The following PRKG1 variants were observed in gnomAD, a reference collection of about 807,000 sequenced individuals.
PRKG1 encodes the protein protein kinase cGMP-dependent 1.
Under a neutral mutation model 88.1 loss-of-function variants are expected in PRKG1, and 35 were observed. That is an observed-to-expected ratio of 0.40 (90% CI 0.30 to 0.53). The LOEUF is 0.53. Among genes scored for constraint, PRKG1 ranks in the 20% least tolerant of loss-of-function variants. PRKG1 has a pLI of 0.59. For synonymous variants in PRKG1, 303 were observed against 292.5 expected (o/e 1.04, Z -0.37); for missense variants, 540 against 839.8 (o/e 0.64, Z 4.41).
rs116412282 is a variant in PRKG1, at chr10:51,321,023, A to C, written c.479-146700A>C. Among the ~76,000 whole-genome samples, 728 of 152,288 alleles carry C rather than the reference A, an allele frequency of 4.8e-3. 6 individuals carry two copies. The highest frequency in any genetic ancestry group is 0.016 in the African/African-American group (666 of 41,546). The stretch of plus-strand genomic sequence containing the variant: ...GTCAGATACTTCAGAAGAACTATTT[A>C]TCTGCAAGGAGATATCCTTGTACCA... On this transcript the variant is annotated intron_variant, in intron 2 of 17. Coordinates refer to ENST00000373980, the MANE Select transcript of PRKG1 (RefSeq NM_006258.4).
intron 1 of PRKG1, among the ~76,000 whole-genome samples, chr10:51,051,742 C>T (rs1843564376): frequency 2.6e-5 from 4 of 152,180 alleles, no homozygotes; most frequent in Admixed American, 2.6e-4. Context: ...TATAATTCCC[C>T]ATAATACACT....
In PRKG1 at chr10:52,066,514, C is replaced by T. The variant is rs571487213; in HGVS notation, c.935+3883C>T. 8.0e-4 allele frequency among the ~76,000 whole-genome samples: 122 copies of T among 152,124 alleles called. 1 individual carries two copies. The highest frequency in any genetic ancestry group is 1.5e-3 in the Non-Finnish European group (102 of 68,024). On this transcript the variant is annotated intron_variant, in intron 7 of 17. Coordinates refer to ENST00000373980, the MANE Select transcript of PRKG1 (RefSeq NM_006258.4). ...TCGAATGATGTCCAATCTTAAAGTC[C>T]CTTCTTCCATTGATCACATTCAGGA...
At chr10:51,655,831 A>T (rs1840148005) in intron 3 of PRKG1, among the ~76,000 whole-genome samples, 1 of 152,158 alleles carries the variant, frequency 6.6e-6, no homozygotes, top group Admixed American at 6.5e-5. Flanking sequence ...TGTGATGTTA[A>T]AACTTTGAAA....
upstream of PRKG1, among the ~76,000 whole-genome samples, chr10:51,072,191 G>A (rs1402771839): frequency 6.2e-5 from 9 of 145,492 alleles, 1 homozygote; most frequent in South Asian, 2.2e-4. Context: ...GCAAAACTCC[G>A]TCTCAAAAAC....
At chr10:51,565,128 A>G (rs959763923) in intron 3 of PRKG1, among the ~76,000 whole-genome samples, 3 of 152,110 alleles carry the variant, frequency 2.0e-5, no homozygotes, top group African/African-American at 4.8e-5. Flanking sequence ...AACAAACAAA[A>G]TAGATACCAA....
chr10:51,599,366 A>G (rs1838539346), intron 3 of PRKG1, among the ~76,000 whole-genome samples: 2 of 152,214 alleles, frequency 1.3e-5, no homozygotes, highest in Non-Finnish European at 1.5e-5. Flanking sequence ...TGGCAATACT[A>G]TAGTGCCAAA....
intron 5 of PRKG1, chr10:51,908,198 T>G (rs1842127430): frequency 6.6e-6 from 1 of 152,218 alleles, no homozygotes; most frequent in Non-Finnish European, 1.5e-5. Flanking sequence ...ATTGGGCATA[T>G]GAGTTTTGTT....
intron 3 of PRKG1, among the ~76,000 whole-genome samples, chr10:51,609,018 A>T (rs1485015014): frequency 6.6e-6 from 1 of 152,084 alleles, no homozygotes; most frequent in Non-Finnish European, 1.5e-5. Flanking sequence ...AGAAAGTTTT[A>T]AAAAATTAAA....
chr10:51,570,303 A>G (rs1286641588), intron 3 of PRKG1, among the ~76,000 whole-genome samples: 3 of 151,806 alleles, frequency 2.0e-5, no homozygotes, highest in African/African-American at 7.3e-5. Context: ...GGAAAATTCA[A>G]TGAACACATA....
intron 12 of PRKG1, among the ~76,000 whole-genome samples, chr10:52,278,569 CA>C (rs1380007707): frequency 6.6e-6 from 1 of 152,104 alleles, no homozygotes; most frequent in Non-Finnish European, 1.5e-5. Flanking sequence ...CAAATGCCCA[CA>C]ATGACAGACA....
chr10:51,260,001 T>C (rs139270557), intron 2 of PRKG1, among the ~76,000 whole-genome samples: 1 of 152,312 alleles, frequency 6.6e-6, no homozygotes, highest in Non-Finnish European at 1.5e-5. Context: ...CATTGGTGTT[T>C]TTCTATATAT....
chr10:52,000,104 T>C (rs1844555826), intron 5 of PRKG1, among the ~76,000 whole-genome samples: 1 of 152,066 alleles, frequency 6.6e-6, no homozygotes, highest in Non-Finnish European at 1.5e-5. Context: ...TTACATTTTT[T>C]TCAAATAAAA....
intron 2 of PRKG1, among the ~76,000 whole-genome samples, chr10:51,217,907 CAA>C: frequency 6.6e-6 from 1 of 152,220 alleles, no homozygotes; most frequent in Middle Eastern, 3.4e-3. Flanking sequence ...GCAAGGGTAA[CAA>C]ATTCCTCCTT....
At chr10:51,381,146 A>G (rs1490025699) in intron 2 of PRKG1, among the ~76,000 whole-genome samples, 1 of 151,488 alleles carries the variant, frequency 6.6e-6, no homozygotes. Flanking sequence ...AGTCCCAGCT[A>G]CTCAGGAGGC....
chr10:52,002,559 G>A (rs1844626669), intron 5 of PRKG1, among the ~76,000 whole-genome samples: 1 of 152,094 alleles, frequency 6.6e-6, no homozygotes, highest in African/African-American at 2.4e-5. Flanking sequence ...GTGCCATTGT[G>A]TAGGTGACTC....
intron 1 of PRKG1, among the ~76,000 whole-genome samples, chr10:51,130,040 T>C (rs999295326): frequency 1.3e-5 from 2 of 152,120 alleles, no homozygotes; most frequent in African/African-American, 4.8e-5. Context: ...AACTTTATAC[T>C]AATAGTTTTG....
intron 3 of PRKG1, among the ~76,000 whole-genome samples, chr10:51,762,890 A>T (rs1049060384): frequency 6.6e-6 from 1 of 152,170 alleles, no homozygotes; most frequent in Non-Finnish European, 1.5e-5. Context: ...GTACCTGTGT[A>T]TTTCCGTTGT....
chr10:51,269,368 C>T (rs947323516), intron 2 of PRKG1, among the ~76,000 whole-genome samples: 2 of 152,106 alleles, frequency 1.3e-5, no homozygotes, highest in African/African-American at 4.8e-5. Flanking sequence ...TACTGGGTAT[C>T]TACCCAAAGG....
chr10:51,330,858 T>C (rs1034342003), intron 2 of PRKG1, among the ~76,000 whole-genome samples: 2 of 152,212 alleles, frequency 1.3e-5, no homozygotes, highest in African/African-American at 4.8e-5. Context: ...TTGATCCTTG[T>C]GTCTGCATAT....
Sources: gnomAD v4.1 joint callset for allele counts (sites outside exome capture counted in the v4.1 genomes callset) on GRCh38, gnomAD v4.1.1 for gene constraint, MANE v1.5 for transcripts, NCBI Gene and HGNC (gene_info 2026-07-23, HGNC 2026-07-21) for gene names.